Variants in ASTN2 observed in about 807,000 individuals in gnomAD.
ASTN2 encodes the protein astrotactin-2.
Under a neutral mutation model 139.8 loss-of-function variants are expected in ASTN2, and 54 were observed. The ratio of observed to expected loss-of-function variants is 0.39; its 90% CI spans 0.31 to 0.48. The LOEUF (loss-of-function observed/expected upper bound fraction) is 0.48, where lower values mean the gene tolerates loss of function less well. Ranked by LOEUF, ASTN2 falls within the 20% of genes least tolerant of loss-of-function variation. The probability of loss-of-function intolerance (pLI) is 0.95; values close to 1 mark genes in which losing one functional copy is unlikely to be tolerated. For missense variants in ASTN2, 1,565 were observed against 1,725.1 expected, an observed-to-expected ratio of 0.91 and a Z score of 1.64; for synonymous variants, 756 against 719.5, an observed-to-expected ratio of 1.05 and a Z score of -0.81.
intron 13 of ASTN2, among the ~76,000 whole-genome samples, chr9:116,750,111 C>T (rs191705215): frequency 5.9e-4 from 89 of 152,106 alleles, no homozygotes; most frequent in African/African-American, 2.1e-3. Context: ...ACTTGATATC[C>T]AATTCGAAAA....
chr9:117,079,645 T>G (rs1398369048), intron 5 of ASTN2, among the ~76,000 whole-genome samples: 1 of 135,438 alleles, frequency 7.4e-6, no homozygotes, highest in Non-Finnish European at 1.6e-5. Context: ...CTTTCTTCTT[T>G]GTTTTTCACA....
chr9:116,539,661 T>C (rs1277250638), intron 19 of ASTN2, among the ~76,000 whole-genome samples: 1 of 152,158 alleles, frequency 6.6e-6, no homozygotes, highest in Non-Finnish European at 1.5e-5. Context: ...TTCAATCTAA[T>C]AACCTGGACG....
At chr9:117,397,131 CG>C (rs1225962648) in intron 1 of ASTN2, among the ~76,000 whole-genome samples, 2 of 151,616 alleles carry the variant, frequency 1.3e-5, no homozygotes, top group Non-Finnish European at 2.9e-5. Context: ...TTAATAGAGA[CG>C]GTGTTTCACC....
chr9:116,466,695 G>T (rs190118955), intron 20 of ASTN2, among the ~76,000 whole-genome samples: 265 of 152,254 alleles, frequency 1.7e-3, no homozygotes, highest in Non-Finnish European at 3.0e-3. Context: ...TGTTAATAGG[G>T]AGGATGTCAC....
intron 7 of ASTN2, among the ~76,000 whole-genome samples, chr9:116,983,452 T>C (rs1327274967): frequency 1.3e-5 from 2 of 152,216 alleles, no homozygotes; most frequent in Admixed American, 1.3e-4. Context: ...ACTAGTCAGT[T>C]GCCCTAGGTC....
intron 13 of ASTN2, among the ~76,000 whole-genome samples, chr9:116,756,820 G>A (rs958353956): frequency 1.3e-5 from 2 of 149,092 alleles, no homozygotes; most frequent in Non-Finnish European, 3.0e-5. Flanking sequence ...CTTGGTCATC[G>A]GTGACTTCAA....
intron 13 of ASTN2, among the ~76,000 whole-genome samples, chr9:116,794,277 T>C (rs1393479256): frequency 6.6e-6 from 1 of 151,942 alleles, no homozygotes; most frequent in African/African-American, 2.4e-5. Context: ...TTTGTATTTT[T>C]AGTAGAGATG....
intron 19 of ASTN2, among the ~76,000 whole-genome samples, chr9:116,561,433 G>C (rs1000132781): frequency 1.1e-4 from 16 of 152,162 alleles, no homozygotes; most frequent in Admixed American, 1.0e-3. Flanking sequence ...CACTATACCA[G>C]TTATCATCTT....
intron 2 of ASTN2, among the ~76,000 whole-genome samples, chr9:117,227,476 G>GTGGA (rs1018968988): frequency 7.2e-5 from 11 of 152,122 alleles, no homozygotes; most frequent in African/African-American, 1.4e-4. Flanking sequence ...GCAGGGATGG[G>GTGGA]TGGATGGATG....
intron 11 of ASTN2, among the ~76,000 whole-genome samples, chr9:116,861,974 T>TTC (rs1491425236): frequency 0.22 from 102 of 454 alleles, no homozygotes; most frequent in Middle Eastern, 0.5. Flanking sequence ...TTCCTTCTTC[T>TTC]TTTTTTTTTT....
intron 4 of ASTN2, among the ~76,000 whole-genome samples, chr9:117,119,262 C>T (rs1210469317): frequency 6.6e-6 from 1 of 152,176 alleles, no homozygotes; most frequent in Non-Finnish European, 1.5e-5. Flanking sequence ...TGGAAACTCA[C>T]CTGTTTGTTT....
At chr9:117,373,469 T>C (rs1340617948) in intron 1 of ASTN2, among the ~76,000 whole-genome samples, 1 of 152,188 alleles carries the variant, frequency 6.6e-6, no homozygotes, top group Non-Finnish European at 1.5e-5. Flanking sequence ...TTATCCATTG[T>C]AGTAGAAAAC....
chr9:117,064,458 A>G (rs544995888), intron 5 of ASTN2, among the ~76,000 whole-genome samples: 1 of 152,316 alleles, frequency 6.6e-6, no homozygotes, highest in East Asian at 1.9e-4. Context: ...AACATCACCC[A>G]ATGTTAAGAA....
intron 12 of ASTN2, 58 bp downstream of exon 12, chr9:116,820,559 C>T (rs79766301): frequency 0.087 from 135,838 of 1,564,764 alleles, 6,778 homozygotes; most frequent in Non-Finnish European, 0.098. Flanking sequence ...TGATCATTTT[C>T]CCATGCATCC....
chr9:116,925,889 CATATATACACAT>C (rs1834742815), intron 10 of ASTN2, among the ~76,000 whole-genome samples: 1 of 151,762 alleles, frequency 6.6e-6, no homozygotes, highest in Non-Finnish European at 1.5e-5. Flanking sequence ...CACACACACA[CATATATACACAT>C]GCACACATGC....
intron 4 of ASTN2, among the ~76,000 whole-genome samples, chr9:117,115,804 T>A (rs1021856557): frequency 1.3e-5 from 2 of 151,844 alleles, no homozygotes; most frequent in Non-Finnish European, 2.9e-5. Context: ...GGCAGGAGGA[T>A]CACGAAGTCA....
At chr9:116,744,622 G>T (rs1291082786) in intron 13 of ASTN2, among the ~76,000 whole-genome samples, 2 of 152,106 alleles carry the variant, frequency 1.3e-5, no homozygotes, top group Admixed American at 6.6e-5. Flanking sequence ...GCACGTGGTG[G>T]GGAGTAAAAG....
rs555666215 is a variant in ASTN2, at chr9:116,615,326, A to C, written c.3355+2998T>G. On this transcript the variant is annotated intron_variant, in intron 19 of 22. Coordinates refer to ENST00000313400, the MANE Select transcript of ASTN2 (RefSeq NM_001365068.1). ...GTGGAAGACAGTGTGGCGATTCCTC[A>C]AGGATCTAGAACTAGAAATACCATT... 2.0e-5 allele frequency among the ~76,000 whole-genome samples: 3 copies of C among 152,314 alleles called. No individual in the cohort carries two copies. In the East Asian group the frequency reaches 5.8e-4, roughly 29 times the overall value.
intron 3 of ASTN2, among the ~76,000 whole-genome samples, chr9:117,189,044 A>G (rs925561291): frequency 2.6e-5 from 4 of 152,116 alleles, no homozygotes; most frequent in South Asian, 2.1e-4. Context: ...CAGTGGGTAG[A>G]AGGTCCTGTC....
Sources: allele counts gnomAD v4.1 joint callset (sites outside exome capture counted in the v4.1 genomes callset), GRCh38; gene constraint gnomAD v4.1.1; transcripts MANE v1.5; gene names NCBI Gene and HGNC (gene_info 2026-07-23, HGNC 2026-07-21).